STIM1: variants seen among roughly 807,000 people sequenced by gnomAD.
STIM1 encodes the protein stromal interaction molecule 1.
In STIM1, 25 loss-of-function variants were observed where a neutral mutation model predicts 74.7. That is an observed-to-expected ratio of 0.33 (90% CI 0.24 to 0.47). STIM1 has a LOEUF of 0.47. Ranked by LOEUF, STIM1 falls within the 20% of genes least tolerant of loss-of-function variation. The pLI, the probability that STIM1 is intolerant of heterozygous loss-of-function variation, is 1.00. For missense variants in STIM1, 728 were observed against 920.8 expected (o/e 0.79, Z 2.71); for synonymous variants, 328 against 348.8 (o/e 0.94, Z 0.66).
At chr11:4,035,134 T>A (rs186183363) in intron 3 of STIM1, among the ~76,000 whole-genome samples, 2 of 152,232 alleles carry the variant, frequency 1.3e-5, no homozygotes, top group East Asian at 3.9e-4. Context: ...TGCTCTTTTA[T>A]TTTTTAGTTT....
At chr11:4,044,504 G>C (rs1407968719) in intron 3 of STIM1, among the ~76,000 whole-genome samples, 1 of 152,068 alleles carries the variant, frequency 6.6e-6, no homozygotes, top group Non-Finnish European at 1.5e-5. Flanking sequence ...TGGAACTCAG[G>C]GTTGCTATCT....
At chr11:4,069,331 G>A (rs1349557772) in intron 5 of STIM1, among the ~76,000 whole-genome samples, 4 of 152,100 alleles carry the variant, frequency 2.6e-5, no homozygotes, top group East Asian at 1.9e-4. Context: ...TGGGGCCCTC[G>A]TGGTTCACTG....
chr11:3,864,555 G>A (rs986662702), intron 1 of STIM1, among the ~76,000 whole-genome samples: 3 of 152,190 alleles, frequency 2.0e-5, no homozygotes, highest in African/African-American at 4.8e-5. Flanking sequence ...TAGAACAAGT[G>A]GTCCAAGAGA....
chr11:3,909,466 G>T (rs1030275389), intron 1 of STIM1, among the ~76,000 whole-genome samples: 3 of 152,172 alleles, frequency 2.0e-5, no homozygotes, highest in Non-Finnish European at 2.9e-5. Flanking sequence ...AGCAGAAGCA[G>T]ATATATTCAG....
At chr11:4,025,136 G>A (rs2093988585) in intron 3 of STIM1, among the ~76,000 whole-genome samples, 1 of 152,188 alleles carries the variant, frequency 6.6e-6, no homozygotes, top group Admixed American at 6.5e-5. Flanking sequence ...TTGGTTGAAA[G>A]CATTAGTCTA....
chr11:3,887,495 G>A (rs112543118), intron 1 of STIM1, among the ~76,000 whole-genome samples: 61 of 152,172 alleles, frequency 4.0e-4, no homozygotes, highest in African/African-American at 1.4e-3. Flanking sequence ...TCAGAGTGCC[G>A]ACCTACTGAC....
intron 1 of STIM1, among the ~76,000 whole-genome samples, chr11:3,923,608 C>CAAA (rs770788044): frequency 1.8e-5 from 2 of 108,136 alleles, no homozygotes; most frequent in African/African-American, 3.0e-5. Flanking sequence ...GACCCTATCT[C>CAAA]AAAAAAAAAA....
chr11:4,059,281 G>T lies in STIM1; in HGVS notation c.498G>T (p.Arg166Ser), dbSNP rs776209475. Reference protein sequence around the residue: ...KLQLSGHAMPRLAVTNTTMTG... With the variant: ...KLQLSGHAMPSLAVTNTTMTG... ...GATCTGCTACTCTTTGCCTCAACAG[G>T]CTGGCTGTCACCAACACCACCATGA... Residue 166 changes from arginine to serine, a missense_variant and splice_region_variant, in exon 5 of 13, where the codon AGG becomes AGT. This residue lies in a region of STIM1 where 132 missense variants were observed against 158.2 expected (regional missense o/e 0.83). Coordinates refer to ENST00000526596, the MANE Select transcript of STIM1 (RefSeq NM_001382567.1). The T allele has an allele frequency of 2.5e-6, 4 of 1,613,776 alleles. No individual in the cohort carries two copies. The highest frequency in any genetic ancestry group is 2.5e-6 in the Non-Finnish European group (3 of 1,179,694).
chr11:4,012,880 T>C (rs1416089420), intron 2 of STIM1, among the ~76,000 whole-genome samples: 4 of 152,218 alleles, frequency 2.6e-5, no homozygotes, highest in African/African-American at 7.2e-5. Context: ...ATAGCTCTTA[T>C]TATTTTGAGA....
At chr11:3,912,737 G>A (rs941639368) in intron 1 of STIM1, among the ~76,000 whole-genome samples, 7 of 152,180 alleles carry the variant, frequency 4.6e-5, no homozygotes, top group African/African-American at 1.7e-4. Context: ...AGATGCCTTT[G>A]CCAATGTGGG....
At chr11:3,926,863 G>A (rs2092795187) in intron 1 of STIM1, among the ~76,000 whole-genome samples, 1 of 152,174 alleles carries the variant, frequency 6.6e-6, no homozygotes, top group South Asian at 2.1e-4. Flanking sequence ...AATAGGTAGG[G>A]ATTTACTTTA....
chr11:4,005,822 G>T (rs888404069), intron 2 of STIM1, among the ~76,000 whole-genome samples: 2 of 152,108 alleles, frequency 1.3e-5, no homozygotes, highest in African/African-American at 4.8e-5. Context: ...AGAAATGACT[G>T]CTGTATCCCT....
At chr11:3,866,853 TA>T (rs1306325950) in intron 1 of STIM1, among the ~76,000 whole-genome samples, 2 of 152,096 alleles carry the variant, frequency 1.3e-5, no homozygotes, top group Admixed American at 1.3e-4. Flanking sequence ...AAAAGAAAAG[TA>T]AAAAAGAAAT....
chr11:3,978,835 T>C (rs1158003002), intron 2 of STIM1, among the ~76,000 whole-genome samples: 1 of 152,102 alleles, frequency 6.6e-6, no homozygotes, highest in African/African-American at 2.4e-5. Context: ...TCCAGAGTAA[T>C]GCTAGGTCCT....
At chr11:4,024,696 A>C (rs1458995949) in intron 3 of STIM1, among the ~76,000 whole-genome samples, 2 of 152,088 alleles carry the variant, frequency 1.3e-5, no homozygotes, top group African/African-American at 4.8e-5. Flanking sequence ...GTCTGATTAG[A>C]TTCTGGTGCC....
At chr11:4,026,478 A>G (rs988254205) in intron 3 of STIM1, among the ~76,000 whole-genome samples, 11 of 152,212 alleles carry the variant, frequency 7.2e-5, no homozygotes, top group African/African-American at 1.7e-4. Context: ...AGATATTATG[A>G]TTATACAGAG....
chr11:4,037,548 G>A (rs922043592), intron 3 of STIM1, among the ~76,000 whole-genome samples: 4 of 152,100 alleles, frequency 2.6e-5, no homozygotes, highest in East Asian at 1.9e-4. Flanking sequence ...TTTATCCTTC[G>A]TGGTAATCTT....
intron 1 of STIM1, among the ~76,000 whole-genome samples, chr11:3,964,325 A>G (rs1034123747): frequency 2.0e-5 from 3 of 152,238 alleles, no homozygotes; most frequent in African/African-American, 7.2e-5. Flanking sequence ...TGCTTAGGAC[A>G]TGCTTGGTTG....
rs148133165 is a variant in STIM1 at position 4,011,659 on chromosome 11, C to T, written c.271-12214C>T. Among the ~76,000 whole-genome samples, 1,088 of 152,224 alleles carry T rather than the reference C, an allele frequency of 7.1e-3. 9 individuals carry two copies. Among genetic ancestry groups the T allele is most frequent in the Middle Eastern group, 0.017 (5 of 294 alleles). On this transcript the variant is annotated intron_variant, in intron 2 of 12. Coordinates refer to ENST00000526596, the MANE Select transcript of STIM1 (RefSeq NM_001382567.1). ...CAGATGGATAGTGCAAAAATTTTCT[C>T]CCATTCTATAGGTTGCCCGTTCGCT...
Sources: gnomAD v4.1 joint callset for allele counts (sites outside exome capture counted in the v4.1 genomes callset) on GRCh38, gnomAD v4.1.1 for gene constraint, gnomAD v4.1.1 regional missense constraint, MANE v1.5 for transcripts, NCBI Gene and HGNC (gene_info 2026-07-23, HGNC 2026-07-21) for gene names.